Variants in AP2A1 observed in about 807,000 individuals in gnomAD.
The protein encoded by AP2A1 is AP-2 complex subunit alpha-1.
Under a neutral mutation model 107.3 loss-of-function variants are expected in AP2A1, and 21 were observed. That is an observed-to-expected ratio of 0.20 (90% CI 0.14 to 0.28). The LOEUF (loss-of-function observed/expected upper bound fraction) is 0.28. AP2A1 is among the 10% of genes least tolerant of loss of function. AP2A1 has a pLI of 1.00. For missense variants in AP2A1, 873 were observed against 1,307.7 expected (o/e 0.67, Z 5.13); for synonymous variants, 602 against 564.8 (o/e 1.07, Z -0.93).
intron 5 of AP2A1, among the ~76,000 whole-genome samples, chr19:49,792,765 T>G (rs920054259): frequency 1.3e-5 from 2 of 152,004 alleles, no homozygotes; most frequent in Admixed American, 6.5e-5. Flanking sequence ...CTGCCTGGGG[T>G]CCTGCCAGGG....
At chr19:49,799,936 G>A (rs751774802) in intron 10 of AP2A1, 32 bp from the exon 11 acceptor site, 30 of 1,606,532 alleles carry the variant, frequency 1.9e-5, no homozygotes, top group African/African-American at 1.2e-4. Flanking sequence ...CATGGCCTGC[G>A]GCACACTCTC....
Position 49,801,986 on chromosome 19 carries a change from G to T in AP2A1, c.1959G>T (p.Thr653=). The change falls in exon 15 of 23, where the codon ACG becomes ACT. Residue 653 remains threonine, a synonymous_variant. Transcript: ENST00000354293. ...GMEPTPSTVS[T]PSPSADLLGL... ...GTGACCTGCGCTTCCTACAGTCGAC[G>T]CCCTCGCCCTCCGCCGACCTCCTGG... The T allele has an allele frequency of 6.6e-7, 1 of 1,510,090 alleles. No homozygotes were observed. The highest frequency in any genetic ancestry group is 8.8e-7 in the Non-Finnish European group (1 of 1,134,026). 93.5% of individuals were successfully genotyped at this position (1,510,090 alleles called of 1,614,324 possible). A position where few individuals can be genotyped will look rare whatever the true frequency, so the allele number is the denominator to read the frequency against.
chr19:49,798,975 G>T (rs1029121020), intron 8 of AP2A1, 23 bp downstream of exon 8: 1 of 1,551,664 alleles, frequency 6.4e-7, no homozygotes, highest in Non-Finnish European at 8.7e-7. Flanking sequence ...GCCTATCAGG[G>T]CCTGATGCCT....
At position 49,801,535 on chromosome 19, in the gene AP2A1, T is replaced by C; in HGVS notation, c.1699T>C (p.Ser567Pro). ...CATCCAGGGCGTCCTGCGGGCCGGC[T>C]CCCAGCTGCGCAATGCTGACGTGGA... ...ATIQGVLRAG[S>P]QLRNADVELQ... is the part of the protein sequence containing the mutation. Residue 567 changes from serine to proline, a missense_variant, in exon 13 of 23, where the codon TCC (serine) becomes CCC (proline). Ser to Pro is a moderately conservative substitution (Grantham distance 74, BLOSUM62 -1). Transcript: ENST00000354293. The C allele has an allele frequency of 6.2e-7, 1 of 1,612,346 alleles. No homozygotes were observed. Among genetic ancestry groups the C allele is most frequent in the Non-Finnish European group, 8.5e-7 (1 of 1,179,446 alleles).
chr19:49,775,764 C>T (rs1319870683), intron 1 of AP2A1, among the ~76,000 whole-genome samples: 1 of 152,188 alleles, frequency 6.6e-6, no homozygotes, highest in East Asian at 1.9e-4. Flanking sequence ...CATCAGGTCT[C>T]GGTCTCTGTA....
intron 9 of AP2A1, 41 bp downstream of exon 9, chr19:49,799,536 T>G: frequency 6.2e-7 from 1 of 1,604,740 alleles, no homozygotes; most frequent in South Asian, 1.1e-5. Context: ...GCCACCCCCC[T>G]CAGAAAGACC....
At chr19:49,801,691 G>T in intron 13 of AP2A1, 31 bp from the exon 14 acceptor site, 5 of 1,043,824 alleles carry the variant, frequency 4.8e-6, no homozygotes, top group Non-Finnish European at 6.3e-6. Flanking sequence ...CTCCTGACCC[G>T]AACTGACCTT....
At position 49,799,481 on chromosome 19, in the gene AP2A1, A is replaced by G. The variant is rs757384374; in HGVS notation, c.1120A>G (p.Ile374Val). The G allele has an allele frequency of 6.2e-7, 1 of 1,611,646 alleles. No homozygotes were observed. The highest frequency in any genetic ancestry group is 8.5e-7 in the Non-Finnish European group (1 of 1,179,540). ...CGTCAAGACGCACATTGACACCGTCATCAATGCCCTCAAGGTGTGAGCCCT... is the reference window on the plus strand; with the variant it reads ...CGTCAAGACGCACATTGACACCGTCGTCAATGCCCTCAAGGTGTGAGCCCT... ...EAVKTHIDTVINALKTERDVS... is the reference protein window; with the variant it reads ...EAVKTHIDTVVNALKTERDVS... Residue 374 changes from isoleucine to valine, a missense_variant, in exon 9 of 23, where the codon ATC becomes GTC. Transcript: ENST00000354293.
intron 7 of AP2A1, chr19:49,797,532 C>T (rs2073227150): frequency 6.6e-6 from 1 of 152,202 alleles, no homozygotes; most frequent in Non-Finnish European, 1.5e-5. Flanking sequence ...CGAGACCAGT[C>T]TGGCCAACAT....
Position 49,795,713 on chromosome 19 carries a change from G to T in AP2A1, c.789G>T (p.Arg263=). Residue 263 remains arginine, a synonymous_variant, in exon 7 of 23, where the codon CGG becomes CGT. Coordinates refer to ENST00000354293, the MANE Select transcript of AP2A1 (RefSeq NM_130787.3). ...PAPWLSVKLL[R]LLQCYPPPED... Reference sequence around the variant, plus strand: ...CCTGGCTCTCGGTGAAGCTCCTGCGGCTGCTGCAGTGCTACCCGCCTCCAG... The same window carrying T: ...CCTGGCTCTCGGTGAAGCTCCTGCGTCTGCTGCAGTGCTACCCGCCTCCAG... The T allele has an allele frequency of 6.4e-7, 1 of 1,560,756 alleles. No homozygotes were observed. The highest frequency in any genetic ancestry group is 8.7e-7 in the Non-Finnish European group (1 of 1,153,518).
At position 49,805,676 on chromosome 19, in the gene AP2A1, C is replaced by T. The variant is rs1375892189; in HGVS notation, c.2484C>T (p.Pro828=). The change falls in exon 20 of 23, where the codon CCC becomes CCT. Residue 828 remains proline, a synonymous_variant. Transcript: ENST00000354293. Reference sequence around the variant, plus strand: ...ACCTCATCAGGTACGGTGGCGCCCCCCAGGCCCTCACCCTGAAGCTCCCAG... The same window carrying T: ...ACCTCATCAGGTACGGTGGCGCCCCTCAGGCCCTCACCCTGAAGCTCCCAG... The part of the protein sequence containing the change: ...LSVRFRYGGA[P]QALTLKLPVT... The T allele has an allele frequency of 9.0e-6, 14 of 1,563,884 alleles. No individual in the cohort carries two copies. Among genetic ancestry groups the T allele is most frequent in the South Asian group, 2.4e-5 (2 of 84,806 alleles).
In AP2A1 at chr19:49,805,472, G is replaced by C; in HGVS notation, c.2364G>C (p.Lys788Asn). The change falls in exon 19 of 23, where the codon AAG becomes AAC. Residue 788 changes from lysine (K) to asparagine (N), a missense_variant. Coordinates refer to ENST00000354293, the MANE Select transcript of AP2A1 (RefSeq NM_130787.3). ...GGGCACAGCTGGCTGTGCAGACCAA[G>C]CGCGTGGCGGCGCAGGTGGACGGCG... ...DLQTQLAVQT[K>N]RVAAQVDGGA... 1 of 1,549,400 alleles carries C rather than the reference G, an allele frequency of 6.5e-7. No homozygotes were observed. Among genetic ancestry groups the C allele is most frequent in the Non-Finnish European group, 8.7e-7 (1 of 1,146,174 alleles).
At chr19:49,770,034 A>C (rs2084541555) in intron 1 of AP2A1, among the ~76,000 whole-genome samples, 1 of 152,086 alleles carries the variant, frequency 6.6e-6, no homozygotes, top group African/African-American at 2.4e-5. Flanking sequence ...ACGCTTGGCT[A>C]ATTTTTGTAT....
chr19:49,800,476 G>A (rs1045355862), intron 11 of AP2A1, among the ~76,000 whole-genome samples: 6 of 151,514 alleles, frequency 4.0e-5, no homozygotes, highest in Non-Finnish European at 7.4e-5. Flanking sequence ...TTTGTTTCTG[G>A]AGACGGAGTC....
intron 4 of AP2A1, among the ~76,000 whole-genome samples, chr19:49,786,791 C>T (rs918012054): frequency 4.6e-5 from 7 of 152,116 alleles, no homozygotes; most frequent in African/African-American, 7.2e-5. Flanking sequence ...AGGGAAGAAC[C>T]GGGCACTTTG....
At chr19:49,779,276 G>A in intron 1 of AP2A1, among the ~76,000 whole-genome samples, 1 of 149,288 alleles carries the variant, frequency 6.7e-6, no homozygotes. Flanking sequence ...GGCAGAGGTT[G>A]CAGTGAGCTG....
At chr19:49,798,701 C>A in intron 7 of AP2A1, 101 bp from the exon 8 acceptor site, 1 of 1,459,592 alleles carries the variant, frequency 6.9e-7, no homozygotes, top group South Asian at 1.4e-5. Context: ...GCACCCCGAG[C>A]TCCTCCTTTG....
At position 49,806,531 on chromosome 19, in the gene AP2A1, C is replaced by T. The variant is rs201560319; in HGVS notation, c.2791-150C>T. On this transcript the variant is annotated intron_variant, in intron 22 of 22. Transcript: ENST00000354293. ...TTATAATTTTCTTCCTCTCTGGCGC[C>T]TCTGTTGATTTCAGTCTTACATTTT... 2.4e-4 allele frequency: 354 copies of T among 1,462,960 alleles called. No homozygotes were observed. The East Asian group carries it at 8.2e-3, about 34-fold the overall frequency. The allele number at this position is 1,462,960 out of a possible 1,614,324, so 90.6% of individuals were successfully genotyped here.
intron 18 of AP2A1, chr19:49,803,592 T>TACGGCGA: frequency 1.7e-6 from 1 of 577,608 alleles, no homozygotes. Flanking sequence ...AGGCTTTACT[T>TACGGCGA]CCAGAACTCC....
Sources: gnomAD v4.1 joint callset for allele counts (sites outside exome capture counted in the v4.1 genomes callset) on GRCh38, gnomAD v4.1.1 for gene constraint, MANE v1.5 for transcripts, NCBI Gene and HGNC (gene_info 2026-07-23, HGNC 2026-07-21) for gene names.